The following SOX5 variants were observed in gnomAD, a reference collection of about 807,000 sequenced individuals.
SOX5 encodes SRY-box transcription factor 5.
A neutral mutation model predicts 92.0 loss-of-function variants in SOX5; 9 were observed. The ratio of observed to expected loss-of-function variants is 0.10; its 90% CI spans 0.06 to 0.17. The LOEUF is 0.17. Among genes scored for constraint, SOX5 ranks in the 10% least tolerant of loss-of-function variants. SOX5 has a pLI of 1.00. For synonymous variants in SOX5, 344 were observed against 336.3 expected, an observed-to-expected ratio of 1.02 and a Z score of -0.25; for missense variants, 642 against 944.5, an observed-to-expected ratio of 0.68 and a Z score of 4.20.
chr12:24,155,823 G>T (rs1342028455), intron 4 of SOX5, among the ~76,000 whole-genome samples: 3 of 152,184 alleles, frequency 2.0e-5, no homozygotes, highest in Non-Finnish European at 4.4e-5. Context: ...AGGAGGGCAG[G>T]CCTGCACATG....
intron 4 of SOX5, chr12:24,213,328 T>C (rs1170293291): frequency 1.3e-5 from 2 of 148,626 alleles, no homozygotes; most frequent in Non-Finnish European, 3.0e-5. Context: ...CAAATGGTAA[T>C]GTAAATGTCC....
chr12:23,731,961 A>C (rs2093409714), intron 6 of SOX5, among the ~76,000 whole-genome samples: 1 of 152,204 alleles, frequency 6.6e-6, no homozygotes, highest in South Asian at 2.1e-4. Context: ...GTATCAAGGC[A>C]CTGTATTTAA....
intron 1 of SOX5, among the ~76,000 whole-genome samples, chr12:24,517,797 A>C (rs566282110): frequency 3.3e-5 from 5 of 152,064 alleles, no homozygotes; most frequent in Non-Finnish European, 7.4e-5. Context: ...GCAAAACATT[A>C]AAAGCTGTCC....
intron 3 of SOX5, among the ~76,000 whole-genome samples, chr12:24,220,498 G>A (rs1288657699): frequency 6.6e-6 from 1 of 151,936 alleles, no homozygotes; most frequent in African/African-American, 2.4e-5. Context: ...ATTTCTCCAA[G>A]AAATTTTATA....
chr12:24,476,001 A>AT (rs1566258816), intron 1 of SOX5, among the ~76,000 whole-genome samples: 3 of 143,970 alleles, frequency 2.1e-5, no homozygotes, highest in African/African-American at 7.6e-5. Flanking sequence ...TTTAAAAAAA[A>AT]AAAAAAAAAA....
intron 3 of SOX5, among the ~76,000 whole-genome samples, chr12:24,217,865 T>C (rs571777921): frequency 6.6e-6 from 1 of 152,280 alleles, no homozygotes; most frequent in African/African-American, 2.4e-5. Context: ...AGAGAAGATG[T>C]ACAAAGATGA....
chr12:23,862,097 T>C (rs192024782), intron 2 of SOX5, among the ~76,000 whole-genome samples: 15 of 152,306 alleles, frequency 9.8e-5, no homozygotes, highest in East Asian at 3.9e-4. Context: ...TTAGTTAAGA[T>C]GTTTCCATTC....
intron 4 of SOX5, among the ~76,000 whole-genome samples, chr12:24,126,407 C>G (rs540415151): frequency 6.6e-6 from 1 of 152,186 alleles, no homozygotes; most frequent in South Asian, 2.1e-4. Context: ...AAGGCCACCA[C>G]GAAGCACCCT....
chr12:24,255,938 A>G (rs1206382817), intron 3 of SOX5, among the ~76,000 whole-genome samples: 1 of 152,226 alleles, frequency 6.6e-6, no homozygotes, highest in East Asian at 1.9e-4. Flanking sequence ...ATTAATAGCA[A>G]ATAAAAGTGA....
chr12:23,881,737 G>A (rs2096992681), intron 2 of SOX5, among the ~76,000 whole-genome samples: 2 of 152,022 alleles, frequency 1.3e-5, no homozygotes, highest in Non-Finnish European at 2.9e-5. Flanking sequence ...AAAACAATAA[G>A]GCATTTTAGG....
At chr12:24,021,233 T>C (rs1445552912) in intron 4 of SOX5, among the ~76,000 whole-genome samples, 2 of 152,118 alleles carry the variant, frequency 1.3e-5, no homozygotes, top group Non-Finnish European at 2.9e-5. Flanking sequence ...TATGGCTGAG[T>C]AGAAGCCCTG....
chr12:23,932,338 A>G (rs1941625786), intron 1 of SOX5, among the ~76,000 whole-genome samples: 2 of 151,790 alleles, frequency 1.3e-5, no homozygotes, highest in Non-Finnish European at 3.0e-5. Context: ...TAAAGGGACT[A>G]GAAACTAAAT....
intron 1 of SOX5, among the ~76,000 whole-genome samples, chr12:24,438,730 G>A (rs1254731040): frequency 6.6e-6 from 1 of 152,196 alleles, no homozygotes; most frequent in Non-Finnish European, 1.5e-5. Context: ...AATTAGAAGG[G>A]GAGCCTGAAG....
intron 14 of SOX5, among the ~76,000 whole-genome samples, chr12:23,536,033 C>A (rs964210254): frequency 6.6e-6 from 1 of 152,238 alleles, no homozygotes; most frequent in East Asian, 1.9e-4. Context: ...AGCTCACTAA[C>A]CTCTCTATAT....
rs994699035 is a variant in SOX5 at position 24,104,365 on chromosome 12, C to G, written c.-2+108978G>C. ...CATCTGAAAGCCAAAAACTTATTTT[C>G]CCATTGGAAAGGATACTGTTATAAT... On this transcript the variant is annotated intron_variant, in intron 4 of 4. Transcript: ENST00000446891. Among the ~76,000 whole-genome samples, 4 of 152,186 alleles carry G rather than the reference C, an allele frequency of 2.6e-5. No homozygotes were observed. The South Asian group carries it at 8.3e-4, about 32-fold the overall frequency.
intron 1 of SOX5, among the ~76,000 whole-genome samples, chr12:24,463,803 C>T (rs1212138904): frequency 2.6e-5 from 4 of 152,158 alleles, no homozygotes; most frequent in Non-Finnish European, 5.9e-5. Flanking sequence ...GCTTCCAATC[C>T]TGGTCAGACG....
intron 12 of SOX5, among the ~76,000 whole-genome samples, chr12:23,544,791 C>A (rs7965154): frequency 0.31 from 47,718 of 151,926 alleles, 7,579 homozygotes; most frequent in Admixed American, 0.37. Context: ...TGTTATTACC[C>A]GTAATTGTCT....
intron 6 of SOX5, among the ~76,000 whole-genome samples, chr12:23,671,873 T>C (rs1338614535): frequency 1.3e-5 from 2 of 152,108 alleles, no homozygotes; most frequent in Admixed American, 6.6e-5. Context: ...CCATATTCTT[T>C]TAGAACAAAA....
chr12:24,462,251 A>C (rs187563050), intron 1 of SOX5, among the ~76,000 whole-genome samples: 111 of 152,340 alleles, frequency 7.3e-4, no homozygotes, highest in African/African-American at 2.4e-3. Flanking sequence ...CAATTGCAAC[A>C]CAATGTCAGG....
Sources: gnomAD v4.1 joint callset for allele counts (sites outside exome capture counted in the v4.1 genomes callset) on GRCh38, gnomAD v4.1.1 for gene constraint, MANE v1.5 for transcripts, NCBI Gene and HGNC (gene_info 2026-07-23, HGNC 2026-07-21) for gene names.